Variants in ALG11 observed in about 807,000 individuals in gnomAD.
The protein encoded by ALG11 is ALG11 alpha-1,2-mannosyltransferase.
ALG11 carries 26 observed loss-of-function variants against 38.8 expected under a neutral mutation model. That is an observed-to-expected ratio of 0.67 (90% CI 0.49 to 0.93). The LOEUF is 0.93. Among genes scored for constraint, ALG11 ranks in the 40% least tolerant of loss-of-function variants. The pLI, the probability that ALG11 is intolerant of heterozygous loss-of-function variation, is 0.00. For missense variants in ALG11, 535 were observed against 578.8 expected, an observed-to-expected ratio of 0.92 and a Z score of 0.78; for synonymous variants, 199 against 211.6, an observed-to-expected ratio of 0.94 and a Z score of 0.52.
In ALG11 at chr13:52,019,165, C is replaced by T. The variant is rs370150041; in HGVS notation, c.275+22C>T. 4 of 1,541,024 alleles carry T rather than the reference C, an allele frequency of 2.6e-6. No individual in the cohort carries two copies. In the South Asian group the frequency reaches 4.5e-5, roughly 17 times the overall value. On this transcript the variant is annotated intron_variant, in intron 2 of 3. Coordinates refer to ENST00000521508, the MANE Select transcript of ALG11 (RefSeq NM_001004127.3). ...AAAAGTAGGTATCCATCTTTCTTAG[C>T]TAATTTGCTATATTGTTCCATTTCT...
At position 52,028,311 on chromosome 13, in the gene ALG11, T is replaced by C. The variant is rs762677157; in HGVS notation, c.1208-8T>C. ...AAAAGATTACATGATTTGTGTTTTT[T>C]TTCTCAGGAGTTGTGGAGTGTATGG... On this transcript the variant is annotated splice_region_variant and splice_polypyrimidine_tract_variant and intron_variant, in intron 3 of 3. Transcript: ENST00000521508. 9 of 1,614,094 alleles carry C rather than the reference T, an allele frequency of 5.6e-6. No individual in the cohort carries two copies. The African/African-American group carries it at 1.1e-4, about 19-fold the overall frequency.
In ALG11 at chr13:52,030,331, G is replaced by T. The variant is rs551277224; in HGVS notation, c.*1741G>T. The T allele has an allele frequency of 6.2e-7, 1 of 1,614,214 alleles. No individual in the cohort carries two copies. The highest frequency in any genetic ancestry group is 1.1e-5 in the South Asian group (1 of 91,086). On this transcript the variant is annotated 3_prime_UTR_variant, in exon 4 of 4. Coordinates refer to ENST00000521508, the MANE Select transcript of ALG11 (RefSeq NM_001004127.3). ...AGAGGTCAGAGAGAGTACAAACTCT[G>T]GAAGAGCTAGAAGAGCTGGGAAAAG...
At chr13:52,019,490 G>T (rs763855462) in intron 2 of ALG11, among the ~76,000 whole-genome samples, 6 of 151,960 alleles carry the variant, frequency 3.9e-5, no homozygotes, top group Non-Finnish European at 8.8e-5. Flanking sequence ...CAAAGTGTTG[G>T]TATTACAGGT....
Position 52,030,340 on chromosome 13 carries a change from A to G in ALG11, c.*1750A>G. Reference sequence around the variant, plus strand: ...AGAGAGTACAAACTCTGGAAGAGCTAGAAGAGCTGGGAAAAGAAGATTGTT... The same window carrying G: ...AGAGAGTACAAACTCTGGAAGAGCTGGAAGAGCTGGGAAAAGAAGATTGTT... On this transcript the variant is annotated 3_prime_UTR_variant, in exon 4 of 4. Coordinates refer to ENST00000521508, the MANE Select transcript of ALG11 (RefSeq NM_001004127.3). The G allele has an allele frequency of 1.9e-6, 3 of 1,614,226 alleles. No individual in the cohort carries two copies. The highest frequency in any genetic ancestry group is 1.7e-6 in the Non-Finnish European group (2 of 1,180,044).
rs1451900020 is a variant in ALG11, at chr13:52,029,303, A to G, written c.*713A>G. ...TCCCCTGGGGAAGGAGCAGCCAGCC[A>G]TTGCTCCCATTGAACATGCGCTCAG... On this transcript the variant is annotated 3_prime_UTR_variant, in exon 4 of 4. Transcript: ENST00000521508. 1.2e-6 allele frequency: 2 copies of G among 1,614,046 alleles called. No individual in the cohort carries two copies. Among genetic ancestry groups the G allele is most frequent in the African/African-American group, 2.7e-5 (2 of 74,914 alleles).
Position 52,029,288 on chromosome 13 carries a change from A to G in ALG11, c.*698A>G, listed in dbSNP as rs1954273157. On this transcript the variant is annotated 3_prime_UTR_variant, in exon 4 of 4. Transcript: ENST00000521508. ...AGAGCAGCTGGTTTTTCCCCTGGGG[A>G]AGGAGCAGCCAGCCATTGCTCCCAT... The G allele has an allele frequency of 1.2e-6, 2 of 1,614,050 alleles. No individual in the cohort carries two copies. The highest frequency in any genetic ancestry group is 1.3e-5 in the African/African-American group (1 of 74,920).
At chr13:52,013,519 T>C (rs1176051418) in intron 1 of ALG11, among the ~76,000 whole-genome samples, 2 of 152,250 alleles carry the variant, frequency 1.3e-5, no homozygotes, top group African/African-American at 4.8e-5. Context: ...GGTTTAACTT[T>C]AGTTATTATG....
rs1954315608 is a variant in ALG11 at position 52,032,501 on chromosome 13, C to A, written c.*3911C>A. The A allele has an allele frequency of 6.0e-6, 1 of 167,002 alleles. No homozygotes were observed. The highest frequency in any genetic ancestry group is 2.4e-5 in the African/African-American group (1 of 41,434). The allele number at this position is 167,002 out of a possible 1,614,324, so 10.3% of individuals were successfully genotyped here. A position where few individuals can be genotyped will look rare whatever the true frequency, so the allele number is the denominator to read the frequency against. ...AATCCTTTCTAGTTCAGTGAATTGA[C>A]CCCATCCACAGGCTGATTCATCTTT... On this transcript the variant is annotated 3_prime_UTR_variant, in exon 4 of 4. Transcript: ENST00000521508.
chr13:52,018,819 AAT>A, intron 1 of ALG11, 92 bp from the exon 2 acceptor site: 1 of 1,000,092 alleles, frequency 1.0e-6, no homozygotes, highest in Admixed American at 2.1e-5. Context: ...CTTTGTTACT[AAT>A]ATATAAAGTA....
At chr13:52,028,298 G>A (rs1230744532) in intron 3 of ALG11, 21 bp from the exon 4 acceptor site, 1 of 1,614,010 alleles carries the variant, frequency 6.2e-7, no homozygotes, top group African/African-American at 1.3e-5. Context: ...AAGATTACAT[G>A]ATTTGTGTTT....
rs1480384043 is a variant in ALG11 at position 52,033,121 on chromosome 13, A to T, written c.*4531A>T. 6.0e-6 allele frequency: 1 copy of T among 167,084 alleles called. No homozygotes were observed. Among genetic ancestry groups the T allele is most frequent in the East Asian group, 1.9e-4 (1 of 5,208 alleles). The allele number at this position is 167,084 out of a possible 1,614,324, so 10.4% of individuals were successfully genotyped here. On this transcript the variant is annotated 3_prime_UTR_variant, in exon 4 of 4. Transcript: ENST00000521508. Reference sequence around the variant, plus strand: ...ATAATTTGCATATATGTTCATTATCAGTGTTCCTAATTTGGTATTACATGT... The same window carrying T: ...ATAATTTGCATATATGTTCATTATCTGTGTTCCTAATTTGGTATTACATGT...
intron 3 of ALG11, among the ~76,000 whole-genome samples, chr13:52,027,582 T>C (rs1484712479): frequency 1.3e-5 from 2 of 152,200 alleles, no homozygotes; most frequent in African/African-American, 2.4e-5. Flanking sequence ...AAGGGCTTAA[T>C]TCTCCTAGGA....
chr13:52,019,290 C>T (rs1478659393), intron 2 of ALG11, 147 bp downstream of exon 2: 8 of 713,398 alleles, frequency 1.1e-5, no homozygotes, highest in Admixed American at 6.6e-5. Flanking sequence ...GGCACGATGT[C>T]GGCTCACTGC....
At chr13:52,019,778 A>C (rs67248764) in intron 2 of ALG11, among the ~76,000 whole-genome samples, 15,707 of 152,062 alleles carry the variant, frequency 0.1, 811 homozygotes, top group Non-Finnish European at 0.12. Context: ...CTGTCTCTAC[A>C]AAAAATTATC....
chr13:52,024,673 C>T lies in ALG11; in HGVS notation c.943C>T (p.His315Tyr). The T allele has an allele frequency of 6.2e-7, 1 of 1,614,148 alleles. No homozygotes were observed. Among genetic ancestry groups the T allele is most frequent in the Non-Finnish European group, 8.5e-7 (1 of 1,179,998 alleles). ...TGGCCAGTTTAGGCCGGAAAAGAAT[C>T]ATCCATTGCAGATCAGAGCCTTTGC... The part of the protein sequence containing the change: ...SVGQFRPEKN[H>Y]PLQIRAFAKL... The change falls in exon 3 of 4, where the codon CAT (histidine) becomes TAT (tyrosine). Residue 315 changes from histidine to tyrosine, a missense_variant. Physicochemically the swap from His to Tyr is moderately conservative, Grantham distance 83. Transcript: ENST00000521508.
At chr13:52,019,216 CTTTTTTTTTTT>C (rs767701891) in intron 2 of ALG11, 73 bp downstream of exon 2, 43 of 447,538 alleles carry the variant, frequency 9.6e-5, no homozygotes, top group Non-Finnish European at 1.4e-4. Flanking sequence ...AGAAATTCAT[CTTTTTTTTTTT>C]TTTTTTTTTT....
chr13:52,018,942 T>C lies in ALG11; in HGVS notation c.74T>C (p.Leu25Pro). ...RFFYSLFFPG[L>P]IVCGTLCVCL... Reference sequence around the variant, plus strand: ...TTTTATTCATTATTCTTCCCTGGGCTCATTGTATGTGGAACTTTATGTGTG... The same window carrying C: ...TTTTATTCATTATTCTTCCCTGGGCCCATTGTATGTGGAACTTTATGTGTG... Residue 25 changes from leucine (L) to proline (P), a missense_variant, in exon 2 of 4, where the codon CTC becomes CCC. Leu to Pro is a moderately conservative substitution (Grantham distance 98). Transcript: ENST00000521508. 1 of 1,614,142 alleles carries C rather than the reference T, an allele frequency of 6.2e-7. No homozygotes were observed. The highest frequency in any genetic ancestry group is 8.5e-7 in the Non-Finnish European group (1 of 1,180,006).
chr13:52,030,001 T>C lies in ALG11; in HGVS notation c.*1411T>C. On this transcript the variant is annotated 3_prime_UTR_variant, in exon 4 of 4. Coordinates refer to ENST00000521508, the MANE Select transcript of ALG11 (RefSeq NM_001004127.3). ...CTGAGCAAGTGCCAGAGCTTGCAGC[T>C]CATGAGGTTTCTGCAAGTGAGGCAG... is the stretch of plus-strand genomic sequence containing the variant. 6.2e-7 allele frequency: 1 copy of C among 1,614,200 alleles called. No individual in the cohort carries two copies. Among genetic ancestry groups the C allele is most frequent in the East Asian group, 2.2e-5 (1 of 44,884 alleles).
Position 52,024,617 on chromosome 13 carries a change from A to G in ALG11, c.887A>G (p.Lys296Arg). ...TFLDIPLHEK[K>R]MTPGHLLVSV... ...CTGGACATTCCCTTACATGAGAAAA[A>G]GATGACCCCAGGACATTTGCTGGTT... Residue 296 changes from lysine (K) to arginine (R), a missense_variant, in exon 3 of 4, where the codon AAG (lysine) becomes AGG (arginine). Lys to Arg is a conservative substitution (Grantham distance 26, BLOSUM62 2). Coordinates refer to ENST00000521508, the MANE Select transcript of ALG11 (RefSeq NM_001004127.3). The G allele has an allele frequency of 6.2e-7, 1 of 1,613,752 alleles. No homozygotes were observed. The highest frequency in any genetic ancestry group is 1.1e-5 in the South Asian group (1 of 91,044).
Sources: allele counts gnomAD v4.1 joint callset (sites outside exome capture counted in the v4.1 genomes callset), GRCh38; gene constraint gnomAD v4.1.1; transcripts MANE v1.5; gene names NCBI Gene and HGNC (gene_info 2026-07-23, HGNC 2026-07-21).